Variants in NAALADL2 observed in about 807,000 individuals in gnomAD.
The protein encoded by NAALADL2 is N-acetylated alpha-linked acidic dipeptidase like 2.
A neutral mutation model predicts 87.2 loss-of-function variants in NAALADL2; 76 were observed. The observed-to-expected ratio is 0.87, with a 90% CI of 0.72 to 1.05. The LOEUF is 1.05. Among genes scored for constraint, NAALADL2 ranks in the 50% least tolerant of loss-of-function variants. The pLI, the probability that NAALADL2 is intolerant of heterozygous loss-of-function variation, is 0.00. For missense variants in NAALADL2, 1,089 were observed against 945.8 expected (o/e 1.15, Z -1.99); for synonymous variants, 354 against 331.0 (o/e 1.07, Z -0.75).
Position 174,764,517 on chromosome 3 carries a change from G to A in NAALADL2, c.-9+26771G>A, listed in dbSNP as rs145020179. On this transcript the variant is annotated intron_variant, in intron 3 of 3. Coordinates refer to the NAALADL2 transcript ENST00000434257. ...CCCAGCTACTTGGGAGGCTGAGGCA[G>A]GAGAATTACTTGAACCCAGGAGGTG... Among the ~76,000 whole-genome samples the A allele has an allele frequency of 6.0e-3, 919 of 152,322 alleles. 11 individuals are homozygous for A. Among genetic ancestry groups the A allele is most frequent in the African/African-American group, 0.021 (886 of 41,570 alleles).
intron 9 of NAALADL2, among the ~76,000 whole-genome samples, chr3:175,499,053 T>C (rs1335985211): frequency 2.0e-5 from 3 of 152,140 alleles, no homozygotes; most frequent in African/African-American, 7.2e-5. Flanking sequence ...CAGAGGCTAC[T>C]CTACATACTT....
intron 9 of NAALADL2, among the ~76,000 whole-genome samples, chr3:175,494,799 G>A (rs375560549): frequency 4.6e-5 from 7 of 151,948 alleles, no homozygotes; most frequent in Non-Finnish European, 7.4e-5. Context: ...TCTCACTGTA[G>A]TATTTTGAAG....
chr3:175,499,180 T>A (rs774476911), intron 9 of NAALADL2, among the ~76,000 whole-genome samples: 7 of 152,102 alleles, frequency 4.6e-5, no homozygotes, highest in Non-Finnish European at 1.0e-4. Flanking sequence ...TTGTTAATAT[T>A]CAAAGGGCCT....
Position 175,116,742 on chromosome 3 carries a change from A to G in NAALADL2, c.545+19451A>G, listed in dbSNP as rs149640315. On this transcript the variant is annotated intron_variant, in intron 2 of 13. Coordinates refer to ENST00000454872, the MANE Select transcript of NAALADL2 (RefSeq NM_207015.3). Reference sequence around the variant, plus strand: ...GAATTGGAAAAACAAAACCACAACAACAACAAAAAAACCAAAAACTTTAAA... The same window carrying G: ...GAATTGGAAAAACAAAACCACAACAGCAACAAAAAAACCAAAAACTTTAAA... Among the ~76,000 whole-genome samples the G allele has an allele frequency of 4.6e-5, 7 of 151,670 alleles. No individual in the cohort carries two copies. In the East Asian group the frequency reaches 1.4e-3, roughly 30 times the overall value.
At chr3:175,512,032 G>T (rs543811732) in intron 9 of NAALADL2, among the ~76,000 whole-genome samples, 4 of 152,288 alleles carry the variant, frequency 2.6e-5, no homozygotes, top group African/African-American at 9.6e-5. Context: ...CTTTGAGCCA[G>T]TGAGTTAGAG....
intron 1 of NAALADL2, among the ~76,000 whole-genome samples, chr3:174,927,371 A>G (rs1736225517): frequency 6.6e-6 from 1 of 152,236 alleles, no homozygotes; most frequent in Non-Finnish European, 1.5e-5. Flanking sequence ...ATAGACATCT[A>G]CAGAACTCTC....
At chr3:175,706,350 T>C (rs1443012572) in intron 11 of NAALADL2, among the ~76,000 whole-genome samples, 1 of 152,114 alleles carries the variant, frequency 6.6e-6, no homozygotes, top group African/African-American at 2.4e-5. Context: ...TACTTAGTTA[T>C]GGTAAAGGTC....
chr3:174,553,782 A>G (rs1712431261), intron 2 of NAALADL2, among the ~76,000 whole-genome samples: 1 of 152,202 alleles, frequency 6.6e-6, no homozygotes, highest in African/African-American at 2.4e-5. Flanking sequence ...GTTTGGAGTT[A>G]GAGTCGTTTT....
chr3:175,578,826 T>C lies in NAALADL2; in HGVS notation c.1800+2639T>C, dbSNP rs188436802. ...GTCTGGAAATATTGTGTACTTTTTC[T>C]CCACGGAAACAATCAACTAAATGGG... is the stretch of plus-strand genomic sequence containing the variant. On this transcript the variant is annotated intron_variant, in intron 10 of 13. Transcript: ENST00000454872. Among the ~76,000 whole-genome samples, 680 of 152,352 alleles carry C rather than the reference T, an allele frequency of 4.5e-3. 3 individuals are homozygous for C. The highest frequency in any genetic ancestry group is 0.024 in the Middle Eastern group (7 of 294).
chr3:174,528,026 G>A (rs1000358469), intron 1 of NAALADL2, among the ~76,000 whole-genome samples: 1 of 152,096 alleles, frequency 6.6e-6, no homozygotes, highest in Admixed American at 6.5e-5. Context: ...TTCATATTCC[G>A]ACAGCAGACT....
chr3:174,607,818 A>G (rs1302308102), intron 2 of NAALADL2, among the ~76,000 whole-genome samples: 1 of 152,108 alleles, frequency 6.6e-6, no homozygotes, highest in African/African-American at 2.4e-5. Flanking sequence ...AAGTGGACCT[A>G]ATAGACATCT....
intron 4 of NAALADL2, among the ~76,000 whole-genome samples, chr3:175,323,716 C>A (rs2110428139): frequency 6.6e-6 from 1 of 150,938 alleles, no homozygotes; most frequent in African/African-American, 2.4e-5. Context: ...TCTAAAATCT[C>A]TGCTTATTTT....
intron 3 of NAALADL2, among the ~76,000 whole-genome samples, chr3:174,741,006 A>G (rs1007537274): frequency 1.9e-4 from 29 of 151,734 alleles, no homozygotes; most frequent in Admixed American, 2.0e-4. Flanking sequence ...TTTGGGTTCA[A>G]ACCAGTGAAT....
chr3:174,489,704 T>G (rs1346549863), intron 1 of NAALADL2, among the ~76,000 whole-genome samples: 2 of 152,022 alleles, frequency 1.3e-5, no homozygotes, highest in Non-Finnish European at 2.9e-5. Flanking sequence ...TGCATATGGC[T>G]AATAAGCACA....
chr3:175,274,938 T>A (rs1753361314), intron 4 of NAALADL2, among the ~76,000 whole-genome samples: 2 of 152,202 alleles, frequency 1.3e-5, no homozygotes, highest in South Asian at 2.1e-4. Context: ...AAAAAACTTG[T>A]CAGGAAGACA....
At chr3:174,793,229 T>C (rs1307686053) in intron 3 of NAALADL2, among the ~76,000 whole-genome samples, 2 of 152,142 alleles carry the variant, frequency 1.3e-5, no homozygotes, top group East Asian at 3.8e-4. Context: ...ATCGTAATAA[T>C]TATGTTTTAT....
chr3:174,843,028 T>C (rs539577492), intron 3 of NAALADL2, among the ~76,000 whole-genome samples: 1 of 152,300 alleles, frequency 6.6e-6, no homozygotes, highest in East Asian at 1.9e-4. Context: ...TTCAATTTGA[T>C]TTATTGATAC....
chr3:175,143,460 A>G (rs978462191), intron 2 of NAALADL2, among the ~76,000 whole-genome samples: 1 of 151,282 alleles, frequency 6.6e-6, no homozygotes, highest in African/African-American at 2.4e-5. Flanking sequence ...TATACCAACT[A>G]TCAGCAGTTG....
At chr3:175,193,275 G>T (rs895503478) in intron 2 of NAALADL2, among the ~76,000 whole-genome samples, 18 of 151,662 alleles carry the variant, frequency 1.2e-4, no homozygotes, top group African/African-American at 4.4e-4. Context: ...GTAAAATGGG[G>T]ACCCATGTGC....
Sources: allele counts gnomAD v4.1 joint callset (sites outside exome capture counted in the v4.1 genomes callset), GRCh38; gene constraint gnomAD v4.1.1; transcripts MANE v1.5; gene names NCBI Gene and HGNC (gene_info 2026-07-23, HGNC 2026-07-21).